The following BNC2 variants were observed in gnomAD, a reference collection of about 807,000 sequenced individuals.
BNC2 encodes zinc finger protein basonuclin-2.
Under a neutral mutation model 76.3 loss-of-function variants are expected in BNC2, and 20 were observed. The ratio of observed to expected loss-of-function variants is 0.26; its 90% CI spans 0.18 to 0.38. The LOEUF (loss-of-function observed/expected upper bound fraction) is 0.38, where lower values mean the gene tolerates loss of function less well. Ranked by LOEUF, BNC2 falls within the 10% of genes least tolerant of loss-of-function variation. BNC2 has a pLI of 1.00. For synonymous variants in BNC2, 582 were observed against 514.8 expected, an observed-to-expected ratio of 1.13 and a Z score of -1.77; for missense variants, 1,382 against 1,399.8, an observed-to-expected ratio of 0.99 and a Z score of 0.20.
chr9:16,829,963 C>T (rs749509543), intron 1 of BNC2, among the ~76,000 whole-genome samples: 3 of 152,282 alleles, frequency 2.0e-5, no homozygotes, highest in African/African-American at 4.8e-5. Context: ...CCTATTTCTA[C>T]TCCAATCATT....
At chr9:16,583,389 A>G (rs372611233) in intron 3 of BNC2, among the ~76,000 whole-genome samples, 25 of 152,320 alleles carry the variant, frequency 1.6e-4, no homozygotes, top group African/African-American at 6.0e-4. Context: ...TCACAAATCC[A>G]AAAAAGAAAA....
chr9:16,526,645 G>C (rs1310594639), intron 5 of BNC2, among the ~76,000 whole-genome samples: 1 of 151,756 alleles, frequency 6.6e-6, no homozygotes. Flanking sequence ...CTGAACCCCT[G>C]GTGCCAGCAC....
intron 1 of BNC2, among the ~76,000 whole-genome samples, chr9:16,863,715 AAGTAC>A (rs1819469433): frequency 6.6e-6 from 1 of 152,140 alleles, no homozygotes; most frequent in African/African-American, 2.4e-5. Context: ...TTAACAGAGA[AAGTAC>A]AACTGTTAAA....
chr9:16,823,053 T>C (rs1818376975), intron 1 of BNC2, among the ~76,000 whole-genome samples: 1 of 152,078 alleles, frequency 6.6e-6, no homozygotes, highest in African/African-American at 2.4e-5. Flanking sequence ...CCATATTAGG[T>C]CTCTACTACT....
intron 1 of BNC2, among the ~76,000 whole-genome samples, chr9:16,805,333 G>GT (rs1554738549): frequency 0.087 from 13,165 of 151,480 alleles, 626 homozygotes; most frequent in Middle Eastern, 0.13. Context: ...TTTTTTTGTT[G>GT]GTTTTTTTTT....
At chr9:16,525,078 G>A (rs1016752723) in intron 5 of BNC2, among the ~76,000 whole-genome samples, 4 of 137,208 alleles carry the variant, frequency 2.9e-5, no homozygotes, top group African/African-American at 6.5e-5. Context: ...AGTGGGGGAG[G>A]GGGGGGGAAG....
At chr9:16,646,844 G>T (rs1235849334) in intron 3 of BNC2, among the ~76,000 whole-genome samples, 1 of 152,158 alleles carries the variant, frequency 6.6e-6, no homozygotes, top group Non-Finnish European at 1.5e-5. Flanking sequence ...ATGAGATATT[G>T]TAACAGCTGG....
intron 5 of BNC2, among the ~76,000 whole-genome samples, chr9:16,502,551 T>C (rs537049665): frequency 2.7e-5 from 4 of 149,924 alleles, no homozygotes; most frequent in African/African-American, 1.0e-4. Context: ...TTTGTCTTTT[T>C]TCCCCCCCTC....
At chr9:16,528,137 C>T (rs540726068) in intron 5 of BNC2, among the ~76,000 whole-genome samples, 7 of 152,138 alleles carry the variant, frequency 4.6e-5, no homozygotes, top group South Asian at 4.2e-4. Flanking sequence ...GACAAAGAAA[C>T]GATAGAGGTT....
rs370924536 is a variant in BNC2 at position 16,649,720 on chromosome 9, T to A, written c.331-66635A>T. Among the ~76,000 whole-genome samples the A allele has an allele frequency of 7.2e-5, 11 of 152,338 alleles. No individual in the cohort carries two copies. In the South Asian group the frequency reaches 1.5e-3, roughly 20 times the overall value. On this transcript the variant is annotated intron_variant, in intron 3 of 6. Coordinates refer to ENST00000380672, the MANE Select transcript of BNC2 (RefSeq NM_017637.6). ...GCATCTATTTCTGATGTATAAATTA[T>A]GAATTAGCCAAAATTTTGTTCCAGA...
At chr9:16,685,948 T>C (rs1284498376) in intron 3 of BNC2, among the ~76,000 whole-genome samples, 1 of 152,104 alleles carries the variant, frequency 6.6e-6, no homozygotes, top group South Asian at 2.1e-4. Flanking sequence ...AGGAAGGAAA[T>C]GCAGGGATGG....
At chr9:16,519,883 T>TA (rs1197947525) in intron 5 of BNC2, among the ~76,000 whole-genome samples, 4 of 152,114 alleles carry the variant, frequency 2.6e-5, no homozygotes, top group Non-Finnish European at 4.4e-5. Context: ...CTAAAGGAGT[T>TA]ATGTTCCAGT....
Position 16,436,178 on chromosome 9 carries a change from A to G in BNC2, c.2016T>C (p.His672=). 6.2e-7 allele frequency: 1 copy of G among 1,614,190 alleles called. No individual in the cohort carries two copies. The highest frequency in any genetic ancestry group is 8.5e-7 in the Non-Finnish European group (1 of 1,180,042). Residue 672 remains histidine, a synonymous_variant, in exon 6 of 7, where the codon CAT becomes CAC. Coordinates refer to ENST00000380672, the MANE Select transcript of BNC2 (RefSeq NM_017637.6). ...DGGAVVNDMS[H]DNHCHSQEEM... Reference sequence around the variant, plus strand: ...CCTCTTGGGAGTGACAATGATTGTCATGGCTCATGTCATTGACCACAGCTC... The same window carrying G: ...CCTCTTGGGAGTGACAATGATTGTCGTGGCTCATGTCATTGACCACAGCTC...
intron 3 of BNC2, among the ~76,000 whole-genome samples, chr9:16,696,661 T>C (rs556691906): frequency 2.6e-5 from 4 of 152,218 alleles, no homozygotes; most frequent in Non-Finnish European, 5.9e-5. Flanking sequence ...ACATAGCAGA[T>C]AGTCAACAAA....
At chr9:16,857,604 T>C (rs940206724) in intron 1 of BNC2, among the ~76,000 whole-genome samples, 2 of 151,220 alleles carry the variant, frequency 1.3e-5, no homozygotes, top group African/African-American at 2.4e-5. Flanking sequence ...TTAAATTGGA[T>C]AATTACTCTT....
At position 16,439,077 on chromosome 9, in the gene BNC2, C is replaced by T. The variant is rs117603889; in HGVS notation, c.670-1553G>A. Among the ~76,000 whole-genome samples, 46 of 152,284 alleles carry T rather than the reference C, an allele frequency of 3.0e-4. 1 individual carries two copies. In the East Asian group the frequency reaches 6.0e-3, roughly 20 times the overall value. On this transcript the variant is annotated intron_variant, in intron 5 of 6. Transcript: ENST00000380672. ...TGGTTTATAAAGGGGAATTCCCCTG[C>T]GCATGCTCTTGCCTGCTTCCATGTA...
chr9:16,863,656 C>T (rs1819467961), intron 1 of BNC2, among the ~76,000 whole-genome samples: 1 of 152,168 alleles, frequency 6.6e-6, no homozygotes, highest in African/African-American at 2.4e-5. Flanking sequence ...AATCACGCCA[C>T]TGCACTCTAG....
At chr9:16,620,418 G>A (rs1354814338) in intron 3 of BNC2, among the ~76,000 whole-genome samples, 1 of 152,142 alleles carries the variant, frequency 6.6e-6, no homozygotes, top group Non-Finnish European at 1.5e-5. Context: ...TTTCTTCATG[G>A]CTAAATTCCT....
At chr9:16,776,530 C>G (rs918782023) in intron 1 of BNC2, among the ~76,000 whole-genome samples, 1 of 152,104 alleles carries the variant, frequency 6.6e-6, no homozygotes, top group African/African-American at 2.4e-5. Context: ...AAGAAACAGA[C>G]ACAAAGGAAA....
Sources: allele counts gnomAD v4.1 joint callset (sites outside exome capture counted in the v4.1 genomes callset), GRCh38; gene constraint gnomAD v4.1.1; transcripts MANE v1.5; gene names NCBI Gene and HGNC (gene_info 2026-07-23, HGNC 2026-07-21).